Variants in ADCY1 observed in about 807,000 individuals in gnomAD.
The protein encoded by ADCY1 is adenylate cyclase type 1.
ADCY1 carries 28 observed loss-of-function variants against 105.4 expected under a neutral mutation model. The ratio of observed to expected loss-of-function variants is 0.27; its 90% confidence interval spans 0.20 to 0.36. The LOEUF is 0.36. Among genes scored for constraint, ADCY1 ranks in the 10% least tolerant of loss-of-function variants. The pLI is 1.00. For synonymous variants in ADCY1, 655 were observed against 623.8 expected (o/e 1.05, Z -0.75); for missense variants, 977 against 1,434.2 (o/e 0.68, Z 5.15).
At chr7:45,694,112 T>TAAAA (rs1179413059) in intron 14 of ADCY1, among the ~76,000 whole-genome samples, 5 of 31,806 alleles carry the variant, frequency 1.6e-4, no homozygotes, top group Non-Finnish European at 2.1e-4. Flanking sequence ...ACTTAGAGTA[T>TAAAA]AATAAAAAAA....
chr7:45,690,208 G>A (rs1245453815), intron 14 of ADCY1, among the ~76,000 whole-genome samples: 1 of 152,206 alleles, frequency 6.6e-6, no homozygotes, highest in East Asian at 1.9e-4. Context: ...AGTAGTGGAG[G>A]TAGAGTGGGT....
chr7:45,635,616 T>A, intron 4 of ADCY1, among the ~76,000 whole-genome samples: 1 of 141,576 alleles, frequency 7.1e-6, no homozygotes, highest in African/African-American at 2.5e-5. Context: ...TTTTTTTTTT[T>A]TTTTTTTTTT....
Position 45,703,542 on chromosome 7 carries a change from C to T in ADCY1, c.2571+50C>T. On this transcript the variant is annotated intron_variant, in intron 15 of 19. Transcript: ENST00000297323. This position sits in a 1 kb window ranked among gnomAD's most constrained non-coding sequence, Gnocchi z 5.9. ...CAGCACTAGCCCTACACTGCTCTGG[C>T]CACCCCACTTGGCGCTCACCTGGCT... 1 of 1,612,890 alleles carries T rather than the reference C, an allele frequency of 6.2e-7. No homozygotes were observed. The highest frequency in any genetic ancestry group is 8.5e-7 in the Non-Finnish European group (1 of 1,179,112).
intron 5 of ADCY1, among the ~76,000 whole-genome samples, chr7:45,653,556 A>G (rs546154306): frequency 6.6e-6 from 1 of 152,288 alleles, no homozygotes; most frequent in South Asian, 2.1e-4. Context: ...TCTGTATTCC[A>G]TACCTGGAAG....
intron 12 of ADCY1, 149 bp downstream of exon 12, chr7:45,685,217 A>G (rs538033817): frequency 2.1e-5 from 15 of 709,394 alleles, no homozygotes; most frequent in Non-Finnish European, 3.8e-5. Flanking sequence ...GCCAGGGAAC[A>G]AGAGACTTTA....
At chr7:45,656,421 G>A (rs1192819249) in intron 5 of ADCY1, among the ~76,000 whole-genome samples, 2 of 152,252 alleles carry the variant, frequency 1.3e-5, no homozygotes, top group Non-Finnish European at 1.5e-5. Context: ...GTTTACTGAG[G>A]TTTCTGAACG....
intron 1 of ADCY1, among the ~76,000 whole-genome samples, chr7:45,581,246 C>T (rs572778842): frequency 1.3e-5 from 2 of 152,294 alleles, no homozygotes; most frequent in East Asian, 3.9e-4. Context: ...GTTCCCTGTC[C>T]TCCCCACACT....
At chr7:45,608,462 C>A (rs1793440385) in intron 2 of ADCY1, among the ~76,000 whole-genome samples, 1 of 152,202 alleles carries the variant, frequency 6.6e-6, no homozygotes, top group African/African-American at 2.4e-5. Context: ...TCTCTCTTGT[C>A]AGGCCAGCAG....
chr7:45,714,424 A>T lies in ADCY1; in HGVS notation c.*429A>T. The T allele has an allele frequency of 5.7e-6, 1 of 175,398 alleles. No individual in the cohort carries two copies. The highest frequency in any genetic ancestry group is 1.2e-5 in the Non-Finnish European group (1 of 82,644). 10.9% of individuals were successfully genotyped at this position (175,398 alleles called of 1,614,324 possible). On this transcript the variant is annotated 3_prime_UTR_variant, in exon 20 of 20. Transcript: ENST00000297323. ...GAGCTCTGCGAGAGTGTGCCCTCTG[A>T]GACAGCCCTGTCCGCCCCGCCCAGG...
At chr7:45,612,188 G>A (rs771071226) in intron 3 of ADCY1, among the ~76,000 whole-genome samples, 18 of 152,356 alleles carry the variant, frequency 1.2e-4, no homozygotes, top group Non-Finnish European at 1.9e-4. Flanking sequence ...GAAGGCCCAA[G>A]TGGGTGGAAA....
chr7:45,594,248 T>G (rs1793011027), intron 2 of ADCY1, among the ~76,000 whole-genome samples: 1 of 152,206 alleles, frequency 6.6e-6, no homozygotes, highest in Non-Finnish European at 1.5e-5. Context: ...TCTATGTGTG[T>G]GCATGAATGT....
chr7:45,653,014 G>T (rs907018321), intron 5 of ADCY1, among the ~76,000 whole-genome samples: 1 of 152,206 alleles, frequency 6.6e-6, no homozygotes, highest in Non-Finnish European at 1.5e-5. Flanking sequence ...CTATTTAGGA[G>T]TGTGGTATAC....
rs778753000 is a variant in ADCY1 at position 45,686,700 on chromosome 7, G to A, written c.2454+27G>A. ...CAAGACGAGCCCTTTCTGCTTTCTG[G>A]GGGTGGGGGATTTAGAGGAGGAAGA... On this transcript the variant is annotated intron_variant, in intron 14 of 19. Transcript: ENST00000297323. This position sits in a 1 kb window ranked among gnomAD's most constrained non-coding sequence, Gnocchi z 4.3. The A allele has an allele frequency of 6.3e-7, 1 of 1,578,508 alleles. No homozygotes were observed. The highest frequency in any genetic ancestry group is 8.6e-7 in the Non-Finnish European group (1 of 1,158,588).
intron 8 of ADCY1, among the ~76,000 whole-genome samples, chr7:45,673,188 T>C (rs1784395550): frequency 6.8e-6 from 1 of 146,850 alleles, no homozygotes; most frequent in Non-Finnish European, 1.5e-5. Context: ...TTGCTAATAT[T>C]TTGTTAGATT....
intron 3 of ADCY1, among the ~76,000 whole-genome samples, chr7:45,610,744 GTGA>G (rs1451686715): frequency 6.6e-6 from 1 of 151,856 alleles, no homozygotes; most frequent in Non-Finnish European, 1.5e-5. Flanking sequence ...AGGTGGGGAG[GTGA>G]TGATGGAGGT....
intron 8 of ADCY1, among the ~76,000 whole-genome samples, chr7:45,667,281 A>G (rs1784280571): frequency 6.6e-6 from 1 of 152,202 alleles, no homozygotes; most frequent in South Asian, 2.1e-4. Flanking sequence ...TGAAGTCTTT[A>G]ATCCATCCTG....
intron 14 of ADCY1, among the ~76,000 whole-genome samples, chr7:45,687,053 A>C (rs1028240013): frequency 1.3e-5 from 2 of 152,166 alleles, no homozygotes; most frequent in East Asian, 3.9e-4. Flanking sequence ...CATCGGGGTC[A>C]TTGGGAAATA....
In ADCY1 at chr7:45,721,784, A is replaced by T. The variant is rs1398407930; in HGVS notation, c.*7789A>T. On this transcript the variant is annotated 3_prime_UTR_variant, in exon 20 of 20. Coordinates refer to ENST00000297323, the MANE Select transcript of ADCY1 (RefSeq NM_021116.4). The stretch of plus-strand genomic sequence containing the variant: ...AGAGATTTGACAACCACCAGAGCAC[A>T]TGTGCTCTGACCCTCTCCTGGGCAT... The T allele has an allele frequency of 2.3e-5, 9 of 398,620 alleles. No homozygotes were observed. The East Asian group carries it at 2.8e-4, about 13-fold the overall frequency. The allele number at this position is 398,620 out of a possible 1,614,324, so 24.7% of individuals were successfully genotyped here. A position where few individuals can be genotyped will look rare whatever the true frequency, so the allele number is the denominator to read the frequency against.
At chr7:45,671,300 T>C (rs976300271) in intron 8 of ADCY1, among the ~76,000 whole-genome samples, 1 of 152,242 alleles carries the variant, frequency 6.6e-6, no homozygotes, top group Non-Finnish European at 1.5e-5. Context: ...TCCTTCATGG[T>C]ATGGATAGAC....
Sources: gnomAD v4.1 joint callset for allele counts (sites outside exome capture counted in the v4.1 genomes callset) on GRCh38, gnomAD v4.1.1 for gene constraint, Gnocchi (gnomAD v3.1) non-coding constraint, MANE v1.5 for transcripts, NCBI Gene and HGNC (gene_info 2026-07-23, HGNC 2026-07-21) for gene names.